Variants in CSMD2 observed in about 807,000 individuals in gnomAD.
CSMD2 encodes the protein CUB and Sushi multiple domains 2.
In CSMD2, 130 loss-of-function variants were observed where a neutral mutation model predicts 398.5. That is an observed-to-expected ratio of 0.33 (90% confidence interval 0.28 to 0.38). The LOEUF is 0.38. Among genes scored for constraint, CSMD2 ranks in the 10% least tolerant of loss-of-function variants. The probability of loss-of-function intolerance (pLI) is 1.00; values close to 1 mark genes in which losing one functional copy is unlikely to be tolerated. For missense variants in CSMD2, 3,829 were observed against 4,764.9 expected, an observed-to-expected ratio of 0.80 and a Z score of 5.78; for synonymous variants, 1,828 against 1,908.5, an observed-to-expected ratio of 0.96 and a Z score of 1.10.
Position 33,730,111 on chromosome 1 carries a change from AT to A in CSMD2, c.2369-3427del, listed in dbSNP as rs149005862. On this transcript the variant is annotated intron_variant, in intron 15 of 70. Coordinates refer to ENST00000373381, the MANE Select transcript of CSMD2 (RefSeq NM_001281956.2). ...ACTAGGGTAATCAACAAAATGGACTATTTATGCAGCTATAAAACAAGAATGA... is the reference window on the plus strand; with the variant it reads ...ACTAGGGTAATCAACAAAATGGACTATTATGCAGCTATAAAACAAGAATGA... Among the ~76,000 whole-genome samples the A allele has an allele frequency of 3.4e-3, 518 of 152,350 alleles. 4 individuals are homozygous for A. Among genetic ancestry groups the A allele is most frequent in the African/African-American group, 0.012 (492 of 41,586 alleles).
At position 34,150,075 on chromosome 1, in the gene CSMD2, C is replaced by CTTTTTTT. The variant is rs201785327; in HGVS notation, c.187+14835_187+14836insAAAAAAA. 1.8e-4 allele frequency among the ~76,000 whole-genome samples: 22 copies of CTTTTTTT among 119,614 alleles called. 6 individuals are homozygous for CTTTTTTT. The highest frequency in any genetic ancestry group is 2.8e-4 in the South Asian group (1 of 3,538). 78.5% of individuals were successfully genotyped at this position (119,614 alleles called of 152,430 possible). ...AGACCTGGAAATCTACATTTTTCTT[C>CTTTTTTT]TTTCTTTTTTTTTTGTTTTTTTTTG... On this transcript the variant is annotated intron_variant, in intron 1 of 70. Coordinates refer to ENST00000373381, the MANE Select transcript of CSMD2 (RefSeq NM_001281956.2).
At chr1:33,776,360 G>A (rs576992901) in intron 12 of CSMD2, among the ~76,000 whole-genome samples, 1 of 152,340 alleles carries the variant, frequency 6.6e-6, no homozygotes, top group South Asian at 2.1e-4. Context: ...AGTGGTGGCA[G>A]TGAGTTTTCA....
chr1:33,760,573 T>A (rs191248278), intron 13 of CSMD2, among the ~76,000 whole-genome samples: 1 of 152,324 alleles, frequency 6.6e-6, no homozygotes, highest in East Asian at 1.9e-4. Context: ...ACTTATTAGC[T>A]GTACGCATTT....
At chr1:33,920,810 C>T (rs1323490628) in intron 4 of CSMD2, among the ~76,000 whole-genome samples, 3 of 152,114 alleles carry the variant, frequency 2.0e-5, no homozygotes, top group African/African-American at 7.2e-5. Context: ...TTGAAGCTAC[C>T]CCAATAATCC....
chr1:33,738,591 C>T (rs769297734), intron 15 of CSMD2, among the ~76,000 whole-genome samples: 138 of 152,184 alleles, frequency 9.1e-4, no homozygotes, highest in Non-Finnish European at 1.2e-3. Flanking sequence ...CATCATCAGC[C>T]GTGTGCCTGC....
At chr1:33,746,037 C>T (rs1647329870) in intron 13 of CSMD2, among the ~76,000 whole-genome samples, 1 of 152,158 alleles carries the variant, frequency 6.6e-6, no homozygotes, top group Non-Finnish European at 1.5e-5. Context: ...AGAGACCAAG[C>T]TCTTACTAAC....
rs1018849607 is a variant in CSMD2, at chr1:33,519,466, G to A, written c.*52C>T. On this transcript the variant is annotated splice_region_variant and 3_prime_UTR_variant, in exon 70 of 71. Transcript: ENST00000373381. The surrounding 1 kb of genome is among the most constrained non-coding windows in gnomAD (Gnocchi z 5.6). ...TCTTCCTCCCACACCCCTGCTCACC[G>A]GCTGCTGGAGGCGGGGCTCTCGGTG... 5.4e-5 allele frequency: 85 copies of A among 1,583,366 alleles called. No homozygotes were observed. In the Middle Eastern group the frequency reaches 1.1e-3, roughly 20 times the overall value.
chr1:33,783,047 C>T (rs1652995276), intron 12 of CSMD2, among the ~76,000 whole-genome samples: 1 of 151,892 alleles, frequency 6.6e-6, no homozygotes, highest in Non-Finnish European at 1.5e-5. Flanking sequence ...CTCAGCTCAG[C>T]AGTGAAACAG....
intron 65 of CSMD2, among the ~76,000 whole-genome samples, chr1:33,526,622 G>A (rs994539619): frequency 1.3e-5 from 2 of 152,202 alleles, no homozygotes; most frequent in Non-Finnish European, 2.9e-5. Context: ...TTCGTCCAAG[G>A]ACACAGCTGG....
At chr1:34,103,575 G>T (rs921416546) in intron 1 of CSMD2, among the ~76,000 whole-genome samples, 3 of 151,994 alleles carry the variant, frequency 2.0e-5, no homozygotes, top group African/African-American at 4.8e-5. Context: ...GATTACAGGT[G>T]TGAGCCACTG....
At chr1:34,103,164 C>A (rs1235575392) in intron 1 of CSMD2, among the ~76,000 whole-genome samples, 4 of 152,086 alleles carry the variant, frequency 2.6e-5, no homozygotes, top group Admixed American at 2.6e-4. Flanking sequence ...CTTCTGGGAA[C>A]CCTCAAGACA....
At chr1:33,705,511 T>C (rs1323764162) in intron 22 of CSMD2, among the ~76,000 whole-genome samples, 2 of 152,214 alleles carry the variant, frequency 1.3e-5, no homozygotes, top group African/African-American at 4.8e-5. Context: ...TATTTTTCTC[T>C]CTTCTGAAGA....
At chr1:33,920,977 G>A (rs561857987) in intron 4 of CSMD2, among the ~76,000 whole-genome samples, 2 of 152,308 alleles carry the variant, frequency 1.3e-5, no homozygotes, top group South Asian at 4.2e-4. Flanking sequence ...AAACAGCAAG[G>A]ACAGTTCAAG....
intron 15 of CSMD2, among the ~76,000 whole-genome samples, chr1:33,736,741 TCA>T (rs1291415395): frequency 6.6e-6 from 1 of 152,176 alleles, no homozygotes; most frequent in East Asian, 1.9e-4. Flanking sequence ...CTGAGACCAC[TCA>T]CAGTCTTGTT....
In CSMD2 at chr1:34,010,850, C is replaced by T. The variant is rs140005485; in HGVS notation, c.517+21744G>A. ...AGCCTCGGTGAAGGATGGTCTCGATCTCCTGACCTCGTGATCTGCCCGCCT... is the reference window on the plus strand; with the variant it reads ...AGCCTCGGTGAAGGATGGTCTCGATTTCCTGACCTCGTGATCTGCCCGCCT... On this transcript the variant is annotated intron_variant, in intron 3 of 70. Transcript: ENST00000373381. Among the ~76,000 whole-genome samples the T allele has an allele frequency of 9.9e-3, 1,508 of 152,272 alleles. 40 individuals are homozygous for T. The highest frequency in any genetic ancestry group is 0.077 in the East Asian group (398 of 5,144).
At position 33,864,328 on chromosome 1, in the gene CSMD2, C is replaced by T. The variant is rs143017203; in HGVS notation, c.921-17332G>A. ...TTTAAAGAGTTCTCTAGAAAGTGTT[C>T]GGAAAAATGGAGATCCATCTCAAAG... On this transcript the variant is annotated intron_variant, in intron 5 of 70. Coordinates refer to ENST00000373381, the MANE Select transcript of CSMD2 (RefSeq NM_001281956.2). The T allele has an allele frequency of 5.2e-5, 84 of 1,613,976 alleles. No homozygotes were observed. The African/African-American group carries it at 7.6e-4, about 15-fold the overall frequency.
chr1:34,048,079 T>A (rs192494342), intron 2 of CSMD2, among the ~76,000 whole-genome samples: 140 of 152,320 alleles, frequency 9.2e-4, no homozygotes, highest in African/African-American at 1.6e-3. Flanking sequence ...CAGCACCACG[T>A]GTCAGGAGGT....
chr1:33,701,206 C>T (rs768237119), intron 22 of CSMD2, among the ~76,000 whole-genome samples: 1 of 152,170 alleles, frequency 6.6e-6, no homozygotes, highest in Non-Finnish European at 1.5e-5. Flanking sequence ...GATCCAGACA[C>T]CAGCATGTCA....
Position 33,580,783 on chromosome 1 carries a change from T to A in CSMD2, c.7357A>T (p.Asn2453Tyr), listed in dbSNP as rs1275786338. ...TAGCGGATCTTGAAGCCCTTCCGATTGTAGGCGTGATCAGATGACCAACGC... is the reference window on the plus strand; with the variant it reads ...TAGCGGATCTTGAAGCCCTTCCGATAGTAGGCGTGATCAGATGACCAACGC... Reference protein sequence around the residue: ...YLRWSSDHAYNRKGFKIRYSA... With the variant: ...YLRWSSDHAYYRKGFKIRYSA... Residue 2453 changes from asparagine (N) to tyrosine (Y), a missense_variant, in exon 48 of 71, where the codon AAT becomes TAT. Transcript: ENST00000373381. 6.2e-7 allele frequency: 1 copy of A among 1,614,166 alleles called. No individual in the cohort carries two copies. Among genetic ancestry groups the A allele is most frequent in the Admixed American group, 1.7e-5 (1 of 60,022 alleles).
Sources: gnomAD v4.1 joint callset for allele counts (sites outside exome capture counted in the v4.1 genomes callset) on GRCh38, gnomAD v4.1.1 for gene constraint, Gnocchi (gnomAD v3.1) non-coding constraint, MANE v1.5 for transcripts, NCBI Gene and HGNC (gene_info 2026-07-23, HGNC 2026-07-21) for gene names.